NDUFB7: variants seen among roughly 807,000 people sequenced by gnomAD.
NDUFB7 encodes the protein NADH:ubiquinone oxidoreductase subunit B7.
Under a neutral mutation model 14.7 loss-of-function variants are expected in NDUFB7, and 18 were observed. That is an observed-to-expected ratio of 1.22 (90% CI 0.85 to 1.81). The LOEUF (loss-of-function observed/expected upper bound fraction) is 1.81, where lower values mean the gene tolerates loss of function less well. NDUFB7 is among the 40% of genes most tolerant of loss of function. The pLI, the probability that NDUFB7 is intolerant of heterozygous loss-of-function variation, is 0.00. For synonymous variants in NDUFB7, 86 were observed against 76.1 expected (o/e 1.13, Z -0.68); for missense variants, 219 against 195.0 (o/e 1.12, Z -0.73).
rs927097015 is a variant in NDUFB7, at chr19:14,567,086, C to T, written c.113-153G>A. 1.3e-5 allele frequency among the ~76,000 whole-genome samples: 2 copies of T among 152,096 alleles called. No individual in the cohort carries two copies. The highest frequency in any genetic ancestry group is 2.1e-4 in the South Asian group (1 of 4,816). ...GGCAGTGGATGGCAGATGCCTTTGA[C>T]GGATGCACTGTCCTGAAGGGGCCTC... is the stretch of plus-strand genomic sequence containing the variant. On this transcript the variant is annotated intron_variant, in intron 1 of 2. Coordinates refer to ENST00000215565, the MANE Select transcript of NDUFB7 (RefSeq NM_004146.6). This position sits in a 1 kb window ranked among gnomAD's most constrained non-coding sequence, Gnocchi z 5.1.
rs758698215 is a variant in NDUFB7 at position 14,566,775 on chromosome 19, C to CG, written c.270dup (p.Glu91ArgfsTer13). The CG allele has an allele frequency of 4.1e-5, 64 of 1,544,434 alleles. No homozygotes were observed. Among genetic ancestry groups the CG allele is most frequent in the Non-Finnish European group, 5.4e-5 (62 of 1,146,460 alleles). On this transcript the variant is annotated frameshift_variant, in exon 2 of 3. Coordinates refer to ENST00000215565, the MANE Select transcript of NDUFB7 (RefSeq NM_004146.6). LOFTEE classifies it high-confidence loss of function. ...TGTGGGGGTGCTCACTCGCGGTGCT[C>CG]GCAGTAGTCCCAGTCGTGCCGCTCC...
intron 1 of NDUFB7, among the ~76,000 whole-genome samples, chr19:14,571,209 A>C (rs2074123200): frequency 6.6e-6 from 1 of 152,096 alleles, no homozygotes; most frequent in Admixed American, 6.6e-5. Context: ...AATCTTCCTT[A>C]TTTCCTTGTG....
At position 14,571,900 on chromosome 19, in the gene NDUFB7, C is replaced by G; in HGVS notation, c.101G>C (p.Arg34Pro). 1.9e-6 allele frequency: 3 copies of G among 1,609,862 alleles called. No homozygotes were observed. Among genetic ancestry groups the G allele is most frequent in the Non-Finnish European group, 2.5e-6 (3 of 1,178,780 alleles). The change falls in exon 1 of 3, where the codon CGC becomes CCC. Residue 34 changes from arginine (R) to proline (P), a missense_variant. Physicochemically the swap from Arg to Pro is moderately radical, Grantham distance 103 (BLOSUM62 -2). Transcript: ENST00000215565. ...GCACTGGGCCTCACCGCGCTCCTTG[C>G]GTTCGGGGAAGCCGTAGTCTGGCGG... Reference protein sequence around the residue: ...TFPPDYGFPERKEREMVATQQ... With the variant: ...TFPPDYGFPEPKEREMVATQQ...
chr19:14,570,628 C>T (rs1186415067), intron 1 of NDUFB7, among the ~76,000 whole-genome samples: 22 of 152,200 alleles, frequency 1.4e-4, no homozygotes, highest in African/African-American at 4.6e-4. Flanking sequence ...TGAGCCACCA[C>T]GACCGGCCAC....
In NDUFB7 at chr19:14,566,572, C is replaced by T. The variant is rs2074087701; in HGVS notation, c.281+193G>A. 2.1e-5 allele frequency among the ~76,000 whole-genome samples: 3 copies of T among 144,648 alleles called. No homozygotes were observed. In the South Asian group the frequency reaches 6.8e-4, roughly 33 times the overall value. 94.9% of individuals were successfully genotyped at this position (144,648 alleles called of 152,430 possible). ...TAGAAACCTCAGTGGCAGTTCAGGT[C>T]CCTGGCCTCTGGAGCCACATCCTGC... On this transcript the variant is annotated intron_variant, in intron 2 of 2. Transcript: ENST00000215565.
chr19:14,569,144 G>A (rs1447270589), intron 1 of NDUFB7, among the ~76,000 whole-genome samples: 2 of 151,904 alleles, frequency 1.3e-5, no homozygotes, highest in African/African-American at 2.4e-5. Flanking sequence ...CTGAAAGGGG[G>A]TGGAAAGGAG....
chr19:14,569,737 T>C (rs1190576432), intron 1 of NDUFB7, among the ~76,000 whole-genome samples: 1 of 152,166 alleles, frequency 6.6e-6, no homozygotes, highest in Admixed American at 6.6e-5. Flanking sequence ...AAATCCAGGC[T>C]GCTTAGAGGT....
In NDUFB7 at chr19:14,566,905, C is replaced by T. The variant is rs1365152895; in HGVS notation, c.141G>A (p.Met47Ile). 11 of 1,585,698 alleles carry T rather than the reference C, an allele frequency of 6.9e-6. No homozygotes were observed. The highest frequency in any genetic ancestry group is 9.4e-6 in the Non-Finnish European group (11 of 1,169,820). Reference sequence around the variant, plus strand: ...GCAGCTGGAGCCTCAGCTGCGCGTCCATCATCTCCTGCTGTGTGGCCACCA... The same window carrying T: ...GCAGCTGGAGCCTCAGCTGCGCGTCTATCATCTCCTGCTGTGTGGCCACCA... Reference protein sequence around the residue: ...REMVATQQEMMDAQLRLQLRD... With the variant: ...REMVATQQEMIDAQLRLQLRD... Residue 47 changes from methionine (M) to isoleucine (I), a missense_variant, in exon 2 of 3, where the codon ATG becomes ATA. Met to Ile is a conservative substitution (Grantham distance 10). Coordinates refer to ENST00000215565, the MANE Select transcript of NDUFB7 (RefSeq NM_004146.6).
At chr19:14,568,097 G>C (rs966868817) in intron 1 of NDUFB7, among the ~76,000 whole-genome samples, 6 of 152,062 alleles carry the variant, frequency 3.9e-5, no homozygotes, top group African/African-American at 1.4e-4. Context: ...CAGGCTGGAG[G>C]GCAGTGGCAA....
At position 14,566,807 on chromosome 19, in the gene NDUFB7, C is replaced by G; in HGVS notation, c.239G>C (p.Cys80Ser). 6.5e-7 allele frequency: 1 copy of G among 1,547,940 alleles called. No homozygotes were observed. Among genetic ancestry groups the G allele is most frequent in the Non-Finnish European group, 8.7e-7 (1 of 1,147,310 alleles). The part of the protein sequence containing the change: ...KRDSFPNFLA[C>S]KQERHDWDYC... ...GTCCCAGTCGTGCCGCTCCTGCTTG[C>G]AGGCCAGGAAGTTGGGGAAGCTGTC... The change falls in exon 2 of 3, where the codon TGC becomes TCC. Residue 80 changes from cysteine (C) to serine (S), a missense_variant. Transcript: ENST00000215565.
Position 14,566,822 on chromosome 19 carries a change from G to A in NDUFB7, c.224C>T (p.Pro75Leu), listed in dbSNP as rs753026074. 2.2e-5 allele frequency: 34 copies of A among 1,551,058 alleles called. No individual in the cohort carries two copies. Among genetic ancestry groups the A allele is most frequent in the Non-Finnish European group, 3.0e-5 (34 of 1,148,872 alleles). Reference sequence around the variant, plus strand: ...CTCCTGCTTGCAGGCCAGGAAGTTGGGGAAGCTGTCACGCTTGCACTTGAG... The same window carrying A: ...CTCCTGCTTGCAGGCCAGGAAGTTGAGGAAGCTGTCACGCTTGCACTTGAG... The part of the protein sequence containing the change: ...RLLKCKRDSF[P>L]NFLACKQERH... The change falls in exon 2 of 3, where the codon CCC becomes CTC. Residue 75 changes from proline to leucine, a missense_variant. Transcript: ENST00000215565.
rs758082395 is a variant in NDUFB7 at position 14,566,083 on chromosome 19, G to C, written c.*50C>G. Reference sequence around the variant, plus strand: ...GCAGTAAGAGGGGACTCTGGTTGAGGGGCCTGAAGGCTTTTATTTGACTGG... The same window carrying C: ...GCAGTAAGAGGGGACTCTGGTTGAGCGGCCTGAAGGCTTTTATTTGACTGG... On this transcript the variant is annotated 3_prime_UTR_variant, in exon 3 of 3. Transcript: ENST00000215565. The C allele has an allele frequency of 3.2e-6, 5 of 1,573,992 alleles. No individual in the cohort carries two copies. In the East Asian group the frequency reaches 9.3e-5, roughly 29 times the overall value.
chr19:14,566,925 C>A lies in NDUFB7; in HGVS notation c.121G>T (p.Ala41Ser). Reference protein sequence around the residue: ...FPERKEREMVATQQEMMDAQL... With the variant: ...FPERKEREMVSTQQEMMDAQL... ...GCGTCCATCATCTCCTGCTGTGTGG[C>A]CACCATCTCTGCAGGGAGTGGGCGG... Residue 41 changes from alanine to serine, a missense_variant, in exon 2 of 3, where the codon GCC becomes TCC. By Grantham distance (99) the Ala-to-Ser change is moderately conservative. Coordinates refer to ENST00000215565, the MANE Select transcript of NDUFB7 (RefSeq NM_004146.6). 1 of 1,582,694 alleles carries A rather than the reference C, an allele frequency of 6.3e-7. No homozygotes were observed.
At chr19:14,571,489 C>T in intron 1 of NDUFB7, among the ~76,000 whole-genome samples, 1 of 152,056 alleles carries the variant, frequency 6.6e-6, no homozygotes, top group East Asian at 1.9e-4. Context: ...CACAGCTACT[C>T]GCGAGGCTGA....
chr19:14,566,562 C>T (rs550232599), intron 2 of NDUFB7, among the ~76,000 whole-genome samples: 18 of 149,770 alleles, frequency 1.2e-4, no homozygotes, highest in African/African-American at 3.9e-4. Context: ...ACCTCAGTGG[C>T]AGTTCAGGTC....
At chr19:14,566,665 G>C in intron 2 of NDUFB7, 100 bp downstream of exon 2, 3 of 1,087,550 alleles carry the variant, frequency 2.8e-6, no homozygotes, top group South Asian at 3.1e-5. Context: ...GCTTGGGCGG[G>C]CTGGGCATGT....
chr19:14,569,052 G>C (rs1403238116), intron 1 of NDUFB7, among the ~76,000 whole-genome samples: 7 of 152,132 alleles, frequency 4.6e-5, no homozygotes, highest in Non-Finnish European at 8.8e-5. Context: ...GCACGCACCT[G>C]TAATCCCAGC....
At chr19:14,566,982 A>T (rs987509230) in intron 1 of NDUFB7, 49 bp from the exon 2 acceptor site, 1 of 1,516,136 alleles carries the variant, frequency 6.6e-7, no homozygotes, top group Non-Finnish European at 8.8e-7. Context: ...CCCCACCCCA[A>T]TTCCGGGGAT....
rs1252024208 is a variant in NDUFB7, at chr19:14,567,575, C to A, written c.113-642G>T. Among the ~76,000 whole-genome samples, 1 of 152,058 alleles carries A rather than the reference C, an allele frequency of 6.6e-6. No individual in the cohort carries two copies. The highest frequency in any genetic ancestry group is 1.5e-5 in the Non-Finnish European group (1 of 67,992). ...GCAAACCTGACTCCGGACAAATCAA[C>A]CTTCAGGAGGGGGCCGATGGGAGCA... On this transcript the variant is annotated intron_variant, in intron 1 of 2. Transcript: ENST00000215565. The surrounding 1 kb of genome is among the most constrained non-coding windows in gnomAD (Gnocchi z 5.1).
Sources: allele counts gnomAD v4.1 joint callset (sites outside exome capture counted in the v4.1 genomes callset), GRCh38; gene constraint gnomAD v4.1.1; non-coding constraint Gnocchi (gnomAD v3.1); transcripts MANE v1.5; gene names NCBI Gene and HGNC (gene_info 2026-07-23, HGNC 2026-07-21).